Variants in PSD3 observed in about 807,000 individuals in gnomAD.
PSD3 encodes the protein pleckstrin and Sec7 domain containing 3.
In PSD3, 49 loss-of-function variants were observed where a neutral mutation model predicts 105.5. That is an observed-to-expected ratio of 0.46 (90% CI 0.37 to 0.59). The LOEUF is 0.59. Among genes scored for constraint, PSD3 ranks in the 20% least tolerant of loss-of-function variants. The pLI, the probability that PSD3 is intolerant of heterozygous loss-of-function variation, is 0.00. For missense variants in PSD3, 1,561 were observed against 1,263.8 expected, an observed-to-expected ratio of 1.24 and a Z score of -3.57; for synonymous variants, 557 against 457.8, an observed-to-expected ratio of 1.22 and a Z score of -2.77.
chr8:18,730,773 G>A (rs755704294), intron 9 of PSD3, among the ~76,000 whole-genome samples: 64 of 152,104 alleles, frequency 4.2e-4, no homozygotes, highest in Admixed American at 7.2e-4. Flanking sequence ...TAGAGTTTAA[G>A]ATTCTGTGGG....
chr8:18,539,917 A>T (rs1328054749), intron 15 of PSD3, among the ~76,000 whole-genome samples: 1 of 152,176 alleles, frequency 6.6e-6, no homozygotes, highest in Non-Finnish European at 1.5e-5. Flanking sequence ...TCAAGTGGTC[A>T]TCATGGACCC....
chr8:18,784,499 A>C (rs1162411604), intron 8 of PSD3, among the ~76,000 whole-genome samples: 1 of 152,156 alleles, frequency 6.6e-6, no homozygotes, highest in Non-Finnish European at 1.5e-5. Flanking sequence ...ATACAGGTTA[A>C]GGGCTCAGCC....
chr8:18,884,668 C>T (rs1347413160), intron 2 of PSD3, among the ~76,000 whole-genome samples: 3 of 151,920 alleles, frequency 2.0e-5, no homozygotes, highest in Non-Finnish European at 4.4e-5. Flanking sequence ...ACTACACAAG[C>T]TTCTAACGTG....
intron 2 of PSD3, among the ~76,000 whole-genome samples, chr8:18,911,270 A>C (rs1820204677): frequency 1.3e-5 from 2 of 152,240 alleles, no homozygotes; most frequent in South Asian, 4.1e-4. Flanking sequence ...AAGCCAGAGA[A>C]GTTAAATAAT....
chr8:18,658,633 T>A (rs1809078736), intron 9 of PSD3, among the ~76,000 whole-genome samples: 1 of 151,946 alleles, frequency 6.6e-6, no homozygotes, highest in African/African-American at 2.4e-5. Flanking sequence ...AGGGATCCTC[T>A]TGCCTTAGCC....
In PSD3 at chr8:18,539,789, G is replaced by A. The variant is rs28560220; in HGVS notation, c.2929-3831C>T. On this transcript the variant is annotated intron_variant, in intron 15 of 15. Coordinates refer to ENST00000327040, the MANE Select transcript of PSD3 (RefSeq NM_015310.4). The stretch of plus-strand genomic sequence containing the variant: ...TCTTGATCTCCTGACCTCATGATCC[G>A]CCTGCCTCGGCCTCTCAAACTGCTG... Among the ~76,000 whole-genome samples the A allele has an allele frequency of 5.4e-3, 823 of 151,874 alleles. 13 individuals are homozygous for A. The highest frequency in any genetic ancestry group is 0.018 in the African/African-American group (762 of 41,398).
intron 2 of PSD3, among the ~76,000 whole-genome samples, chr8:18,898,088 C>T (rs903896208): frequency 3.3e-5 from 5 of 152,030 alleles, no homozygotes; most frequent in Admixed American, 6.6e-5. Context: ...TTGACTGTGT[C>T]GAGGTATGTT....
At chr8:18,955,530 T>C (rs1048827011) in intron 1 of PSD3, among the ~76,000 whole-genome samples, 8 of 152,212 alleles carry the variant, frequency 5.3e-5, no homozygotes, top group African/African-American at 1.4e-4. Context: ...TTTACTATTA[T>C]AGTGTTGCAA....
intron 1 of PSD3, among the ~76,000 whole-genome samples, chr8:19,061,149 C>A (rs969423053): frequency 6.6e-6 from 1 of 152,082 alleles, no homozygotes; most frequent in East Asian, 1.9e-4. Flanking sequence ...ACTACACAGA[C>A]AGTTTAAAAA....
intron 4 of PSD3, among the ~76,000 whole-genome samples, chr8:18,824,161 G>A (rs1373926784): frequency 2.0e-5 from 3 of 152,124 alleles, no homozygotes; most frequent in Non-Finnish European, 2.9e-5. Flanking sequence ...TGACAGACAT[G>A]GCCGTGTCTC....
intron 9 of PSD3, among the ~76,000 whole-genome samples, chr8:18,710,794 G>A (rs894027945): frequency 2.0e-5 from 3 of 152,062 alleles, no homozygotes; most frequent in Admixed American, 6.6e-5. Flanking sequence ...TGATTCTTCT[G>A]CCTCAGCTTC....
At chr8:18,743,703 C>G (rs80340511) in intron 9 of PSD3, among the ~76,000 whole-genome samples, 1 of 150,228 alleles carries the variant, frequency 6.7e-6, no homozygotes, top group African/African-American at 2.5e-5. Context: ...TTTGGGAGGC[C>G]GAGGGGGAAG....
intron 12 of PSD3, among the ~76,000 whole-genome samples, chr8:18,577,682 G>A (rs1350677231): frequency 6.6e-6 from 1 of 152,012 alleles, no homozygotes; most frequent in Non-Finnish European, 1.5e-5. Context: ...AAAATGCTCT[G>A]TTTATCTATT....
At chr8:18,757,271 G>A (rs1806127775) in intron 9 of PSD3, among the ~76,000 whole-genome samples, 1 of 150,868 alleles carries the variant, frequency 6.6e-6, no homozygotes, top group African/African-American at 2.4e-5. Flanking sequence ...TTGCCAACAT[G>A]GTAAAACCCT....
At chr8:19,012,445 A>AATT (rs1826993519) in intron 1 of PSD3, among the ~76,000 whole-genome samples, 2 of 152,202 alleles carry the variant, frequency 1.3e-5, no homozygotes, top group South Asian at 4.1e-4. Context: ...GTAGAAAGTG[A>AATT]ATTCCCTTTC....
At chr8:18,813,348 A>C (rs183522993) in intron 4 of PSD3, among the ~76,000 whole-genome samples, 7 of 152,298 alleles carry the variant, frequency 4.6e-5, no homozygotes, top group Admixed American at 3.3e-4. Flanking sequence ...TACAAGGTAC[A>C]CACAGGTTAA....
intron 9 of PSD3, among the ~76,000 whole-genome samples, chr8:18,702,296 A>G (rs1283431168): frequency 6.6e-6 from 1 of 152,150 alleles, no homozygotes; most frequent in Non-Finnish European, 1.5e-5. Flanking sequence ...GATGGAGGAA[A>G]TTTTTTGGTG....
chr8:19,044,817 C>T (rs1317896183), intron 1 of PSD3, among the ~76,000 whole-genome samples: 3 of 152,044 alleles, frequency 2.0e-5, no homozygotes, highest in Non-Finnish European at 2.9e-5. Context: ...GGTGGAGAGA[C>T]GGGAAAGATT....
intron 14 of PSD3, among the ~76,000 whole-genome samples, chr8:18,569,299 T>A (rs1388122182): frequency 3.9e-5 from 5 of 129,662 alleles, no homozygotes; most frequent in Non-Finnish European, 8.2e-5. Context: ...TCCACAATGG[T>A]TGAACTAGTT....
Sources: gnomAD v4.1 joint callset for allele counts (sites outside exome capture counted in the v4.1 genomes callset) on GRCh38, gnomAD v4.1.1 for gene constraint, MANE v1.5 for transcripts, NCBI Gene and HGNC (gene_info 2026-07-23, HGNC 2026-07-21) for gene names.